The following AKIP1 variants were observed in gnomAD, a reference collection of about 807,000 sequenced individuals.
AKIP1 encodes A-kinase interacting protein 1.
Under a neutral mutation model 22.3 loss-of-function variants are expected in AKIP1, and 18 were observed. The ratio of observed to expected loss-of-function variants is 0.81; its 90% CI spans 0.56 to 1.19. AKIP1 has a LOEUF of 1.19. Ranked by LOEUF, AKIP1 falls within the 50% of genes most tolerant of loss-of-function variation. AKIP1 has a pLI of 0.00. For missense variants in AKIP1, 287 were observed against 264.6 expected, an observed-to-expected ratio of 1.08 and a Z score of -0.59; for synonymous variants, 120 against 102.7, an observed-to-expected ratio of 1.17 and a Z score of -1.02.
intron 2 of AKIP1, 96 bp downstream of exon 2, chr11:8,911,767 C>G (rs962687381): frequency 2.0e-5 from 24 of 1,227,392 alleles, no homozygotes; most frequent in Non-Finnish European, 2.4e-5. Flanking sequence ...CTGAGGAAAC[C>G]TTCCCTTAGC....
intron 4 of AKIP1, among the ~76,000 whole-genome samples, chr11:8,915,347 A>AT (rs146108642): frequency 8.6e-5 from 9 of 105,080 alleles, no homozygotes; most frequent in East Asian, 2.9e-4. Flanking sequence ...TAGGGATAGG[A>AT]TTTTTTTTTT....
rs753653386 is a variant in AKIP1, at chr11:8,911,655, G to A, written c.206G>A (p.Arg69His). 1.4e-5 allele frequency: 22 copies of A among 1,563,960 alleles called. No homozygotes were observed. In the Admixed American group the frequency reaches 2.7e-4, roughly 19 times the overall value. The stretch of plus-strand genomic sequence containing the variant: ...AAACAGCCGGCAGCCGGCCCGCAGC[G>A]CGTTCTCCCGGGAGAGGTGAGGGTC... ...LEKQPAAGPQ[R>H]VLPGEREERP... is the part of the protein sequence containing the mutation. The change falls in exon 2 of 6, where the codon CGC (arginine) becomes CAC (histidine). Residue 69 changes from arginine (R) to histidine (H), a missense_variant. Coordinates refer to ENST00000309377, the MANE Select transcript of AKIP1 (RefSeq NM_020642.4).
intron 2 of AKIP1, among the ~76,000 whole-genome samples, chr11:8,911,924 G>A (rs1478882233): frequency 6.6e-6 from 1 of 151,536 alleles, no homozygotes; most frequent in East Asian, 1.9e-4. Context: ...TTAGCCGGGC[G>A]CGGTGGCTCA....
At chr11:8,912,625 C>A in intron 3 of AKIP1, 92 bp downstream of exon 3, 2 of 1,119,784 alleles carry the variant, frequency 1.8e-6, no homozygotes, top group Non-Finnish European at 2.7e-6. Flanking sequence ...TGGACACTAC[C>A]TGTTTCTCCT....
At position 8,914,917 on chromosome 11, in the gene AKIP1, T is replaced by C. The variant is rs35131475; in HGVS notation, c.395T>C (p.Ile132Thr). ...TCGAAGCTGCACATGTGCTTGGACA[T>C]AGGGAATGGTCAGGTAAGTGTACTC... ...GESKLHMCLD[I>T]GNGQRKDRKK... The change falls in exon 4 of 6, where the codon ATA becomes ACA. Residue 132 changes from isoleucine to threonine, a missense_variant. By Grantham distance (89) the Ile-to-Thr change is moderately conservative. Coordinates refer to ENST00000309377, the MANE Select transcript of AKIP1 (RefSeq NM_020642.4). The C allele has an allele frequency of 0.031, 49,335 of 1,613,298 alleles. 890 individuals are homozygous for C. Among genetic ancestry groups the C allele is most frequent in the Non-Finnish European group, 0.036 (42,426 of 1,179,536 alleles).
At chr11:8,912,242 G>A (rs2653579) in intron 2 of AKIP1, among the ~76,000 whole-genome samples, 135,022 of 149,892 alleles carry the variant, frequency 0.9, 62,541 homozygotes, top group East Asian at 1. Context: ...TCATCTGATA[G>A]TAGAGGAAAG....
chr11:8,919,338 C>G lies in AKIP1; in HGVS notation c.491C>G (p.Ala164Gly). 1 of 1,611,752 alleles carries G rather than the reference C, an allele frequency of 6.2e-7. No individual in the cohort carries two copies. The highest frequency in any genetic ancestry group is 8.5e-7 in the Non-Finnish European group (1 of 1,179,342). ...GCTAATATCCTCTTTTCCTTCTAGG[C>G]TGAGAACATCTCTAAGGACCTCTAC... ...SEHAPEASQP[A>G]ENISKDLYIE... is the part of the protein sequence containing the mutation. The change falls in exon 6 of 6, where the codon GCT becomes GGT. Residue 164 changes from alanine (A) to glycine (G), a missense_variant and splice_region_variant. Coordinates refer to ENST00000309377, the MANE Select transcript of AKIP1 (RefSeq NM_020642.4).
At chr11:8,917,445 G>A (rs1490445584) in intron 5 of AKIP1, 78 bp downstream of exon 5, 3 of 1,084,672 alleles carry the variant, frequency 2.8e-6, no homozygotes, top group Non-Finnish European at 4.3e-6. Context: ...TTCTTAGAGG[G>A]CTATTTGAAT....
At chr11:8,917,021 GT>G (rs1239286361) in intron 4 of AKIP1, among the ~76,000 whole-genome samples, 1 of 152,202 alleles carries the variant, frequency 6.6e-6, no homozygotes, top group Non-Finnish European at 1.5e-5. Context: ...TTCAAGAGAA[GT>G]TAATCTGTCT....
At chr11:8,912,943 C>T (rs139522729) in intron 3 of AKIP1, among the ~76,000 whole-genome samples, 4,240 of 129,764 alleles carry the variant, frequency 0.033, 213 homozygotes, top group African/African-American at 0.11. Context: ...GGTGTGATCT[C>T]GGCTCACTGC....
chr11:8,912,396 T>G (rs1379702451), intron 2 of AKIP1, 57 bp from the exon 3 acceptor site: 9 of 1,452,618 alleles, frequency 6.2e-6, no homozygotes, highest in African/African-American at 2.8e-5. Context: ...CAAAATGGCT[T>G]CATTCTCCAG....
intron 2 of AKIP1, among the ~76,000 whole-genome samples, chr11:8,912,094 G>A (rs1424240427): frequency 7.3e-6 from 1 of 136,454 alleles, no homozygotes; most frequent in Non-Finnish European, 1.7e-5. Context: ...GTACTAGGGA[G>A]GCTGAGGCAG....
intron 3 of AKIP1, 29 bp downstream of exon 3, chr11:8,912,562 C>A: frequency 1.3e-6 from 2 of 1,577,554 alleles, no homozygotes; most frequent in African/African-American, 1.3e-5. Flanking sequence ...AAACTATGCC[C>A]CATCACCTGC....
At position 8,911,684 on chromosome 11, in the gene AKIP1, G is replaced by GT. The variant is rs1215582378; in HGVS notation, c.222+14dup. 8 of 1,506,634 alleles carry GT rather than the reference G, an allele frequency of 5.3e-6. No homozygotes were observed. The highest frequency in any genetic ancestry group is 5.3e-6 in the Non-Finnish European group (6 of 1,129,544). 93.3% of individuals were successfully genotyped at this position (1,506,634 alleles called of 1,614,324 possible). ...TCTCCCGGGAGAGGTGAGGGTCGCT[G>GT]TGCCGGGGGCCGCCCCAGTCCTTCG... On this transcript the variant is annotated intron_variant, in intron 2 of 5. Coordinates refer to ENST00000309377, the MANE Select transcript of AKIP1 (RefSeq NM_020642.4).
In AKIP1 at chr11:8,919,673, G is replaced by T. The variant is rs958079705; in HGVS notation, c.*193G>T. The T allele has an allele frequency of 8.9e-6, 5 of 559,476 alleles. No individual in the cohort carries two copies. The highest frequency in any genetic ancestry group is 1.5e-5 in the Non-Finnish European group (5 of 326,312). The allele number at this position is 559,476 out of a possible 1,614,324, so 34.7% of individuals were successfully genotyped here. A position where few individuals can be genotyped will look rare whatever the true frequency, so the allele number is the denominator to read the frequency against. ...TTTTTTTTTGAGACAGTCTCACTCT[G>T]TTGCCCAGGCTGGAGTGCAGTGGCG... On this transcript the variant is annotated 3_prime_UTR_variant, in exon 6 of 6. Transcript: ENST00000309377.
intron 4 of AKIP1, among the ~76,000 whole-genome samples, chr11:8,916,704 T>C (rs1225513541): frequency 6.6e-6 from 1 of 152,066 alleles, no homozygotes; most frequent in Non-Finnish European, 1.5e-5. Context: ...GGGAGGTGAG[T>C]AGTGGTGCCA....
intron 4 of AKIP1, among the ~76,000 whole-genome samples, chr11:8,916,179 C>A (rs1485206619): frequency 6.6e-6 from 1 of 151,812 alleles, no homozygotes; most frequent in Non-Finnish European, 1.5e-5. Context: ...AGGTCTTGAA[C>A]TCCTGACCTC....
chr11:8,915,347 A>ATTTTTTTTTCTTTTTTTTTTTTT (rs2064463968), intron 4 of AKIP1, among the ~76,000 whole-genome samples: 1 of 105,096 alleles, frequency 9.5e-6, no homozygotes, highest in African/African-American at 3.3e-5. Flanking sequence ...TAGGGATAGG[A>ATTTTTTTTTCTTTTTTTTTTTTT]TTTTTTTTTT....
chr11:8,912,450 T>G lies in AKIP1; in HGVS notation c.223-3T>G. Reference sequence around the variant, plus strand: ...ACCTGTGACGTGCCATTTATTCAAATAGAGAGAAGAGAGACCCCCAACCCT... The same window carrying G: ...ACCTGTGACGTGCCATTTATTCAAAGAGAGAGAAGAGAGACCCCCAACCCT... On this transcript the variant is annotated splice_polypyrimidine_tract_variant and splice_region_variant and intron_variant, in intron 2 of 5. Coordinates refer to ENST00000309377, the MANE Select transcript of AKIP1 (RefSeq NM_020642.4). The G allele has an allele frequency of 6.2e-7, 1 of 1,612,618 alleles. No homozygotes were observed. The highest frequency in any genetic ancestry group is 1.1e-5 in the South Asian group (1 of 91,048).
Sources: gnomAD v4.1 joint callset for allele counts (sites outside exome capture counted in the v4.1 genomes callset) on GRCh38, gnomAD v4.1.1 for gene constraint, MANE v1.5 for transcripts, NCBI Gene and HGNC (gene_info 2026-07-23, HGNC 2026-07-21) for gene names.